Variants in AKAP12 observed in about 807,000 individuals in gnomAD.
AKAP12 encodes the protein A-kinase anchor protein 12.
Under a neutral mutation model 79.9 loss-of-function variants are expected in AKAP12, and 32 were observed. The observed-to-expected ratio is 0.40, with a 90% CI of 0.30 to 0.54. AKAP12 has a LOEUF of 0.54. Ranked by LOEUF, AKAP12 falls within the 20% of genes least tolerant of loss-of-function variation. AKAP12 has a pLI of 0.48. For synonymous variants in AKAP12, 808 were observed against 857.0 expected, an observed-to-expected ratio of 0.94 and a Z score of 1.00; for missense variants, 2,074 against 2,177.0, an observed-to-expected ratio of 0.95 and a Z score of 0.94.
rs150468967 is a variant in AKAP12, at chr6:151,293,064, TC to T, written c.163-12681del. Among the ~76,000 whole-genome samples, 14 of 152,368 alleles carry T rather than the reference TC, an allele frequency of 9.2e-5. No homozygotes were observed. In the East Asian group the frequency reaches 2.7e-3, roughly 29 times the overall value. ...CTTACTTGGGATAACGCTGGTTTCC[TC>T]CTCTGTTGAAATTGTTTATCTCTTG... On this transcript the variant is annotated intron_variant, in intron 2 of 4. Coordinates refer to ENST00000402676, the MANE Select transcript of AKAP12 (RefSeq NM_005100.4).
At chr6:151,334,963 C>T (rs1777776194) in intron 3 of AKAP12, among the ~76,000 whole-genome samples, 1 of 152,104 alleles carries the variant, frequency 6.6e-6, no homozygotes, top group Admixed American at 6.5e-5. Flanking sequence ...ACTTCTGGTC[C>T]TGAAAATCAA....
chr6:151,250,599 G>A (rs1197449477), intron 2 of AKAP12, among the ~76,000 whole-genome samples: 7 of 151,606 alleles, frequency 4.6e-5, no homozygotes, highest in Middle Eastern at 3.4e-3. Flanking sequence ...ATTAAAAATG[G>A]TCAGATATTT....
At chr6:151,260,423 C>T (rs921389510) in intron 2 of AKAP12, among the ~76,000 whole-genome samples, 5 of 152,140 alleles carry the variant, frequency 3.3e-5, no homozygotes, top group East Asian at 3.9e-4. Flanking sequence ...GCTATGCTGC[C>T]GAATAGGAGA....
chr6:151,265,150 CAAA>C (rs567026860), intron 2 of AKAP12, among the ~76,000 whole-genome samples: 4 of 68,742 alleles, frequency 5.8e-5, no homozygotes, highest in Admixed American at 1.7e-4. Flanking sequence ...GACTCCGTCT[CAAA>C]AAAAAAAAAA....
chr6:151,290,586 G>A (rs1776596442), intron 2 of AKAP12, among the ~76,000 whole-genome samples: 1 of 151,778 alleles, frequency 6.6e-6, no homozygotes, highest in Non-Finnish European at 1.5e-5. Context: ...CCTCACTGAT[G>A]GTTCCCAGCC....
At chr6:151,274,287 C>T (rs1294215861) in intron 2 of AKAP12, among the ~76,000 whole-genome samples, 2 of 152,188 alleles carry the variant, frequency 1.3e-5, no homozygotes, top group East Asian at 1.9e-4. Flanking sequence ...CCATTTTGCC[C>T]ATGCTGGTCT....
At chr6:151,324,622 T>C (rs1777478905) in intron 3 of AKAP12, 1 of 985,388 alleles carries the variant, frequency 1.0e-6, no homozygotes, top group Admixed American at 6.1e-5. Flanking sequence ...AGTAAAACTT[T>C]CCTTTTTGTT....
At chr6:151,245,489 G>C (rs143674936) in intron 2 of AKAP12, among the ~76,000 whole-genome samples, 1,882 of 151,784 alleles carry the variant, frequency 0.012, 29 homozygotes, top group African/African-American at 0.043. Flanking sequence ...TAGAGATGGG[G>C]TTTCACCATG....
intron 2 of AKAP12, among the ~76,000 whole-genome samples, chr6:151,290,572 T>TC (rs1562723581): frequency 1.3e-5 from 2 of 150,916 alleles, no homozygotes; most frequent in African/African-American, 2.4e-5. Flanking sequence ...TCCTCTCCCA[T>TC]CCCCCTCACT....
At chr6:151,290,816 G>A (rs1251336525) in intron 2 of AKAP12, among the ~76,000 whole-genome samples, 2 of 152,088 alleles carry the variant, frequency 1.3e-5, no homozygotes, top group East Asian at 3.9e-4. Flanking sequence ...CTCCATGTTG[G>A]TCAGGCTGGT....
rs549470531 is a variant in AKAP12 at position 151,306,620 on chromosome 6, AAG to A, written c.319+723_319+724del. ...GTAAATTGATTCGTGTAATATGAATAAGAGAGACAAATGAAGGGAAAAGTCCT... is the reference window on the plus strand; with the variant it reads ...GTAAATTGATTCGTGTAATATGAATAAGAGACAAATGAAGGGAAAAGTCCT... On this transcript the variant is annotated intron_variant, in intron 3 of 4. Coordinates refer to ENST00000402676, the MANE Select transcript of AKAP12 (RefSeq NM_005100.4). Among the ~76,000 whole-genome samples the A allele has an allele frequency of 2.5e-3, 381 of 152,358 alleles. 1 individual carries two copies. Among genetic ancestry groups the A allele is most frequent in the African/African-American group, 8.8e-3 (368 of 41,584 alleles).
chr6:151,292,863 G>A (rs868079625), intron 2 of AKAP12, among the ~76,000 whole-genome samples: 2 of 152,144 alleles, frequency 1.3e-5, no homozygotes, highest in South Asian at 4.1e-4. Context: ...TCTTCCTCTT[G>A]CCCGTCTCTG....
chr6:151,330,376 A>G (rs921566838), intron 3 of AKAP12, among the ~76,000 whole-genome samples: 6 of 152,182 alleles, frequency 3.9e-5, no homozygotes, highest in African/African-American at 1.4e-4. Context: ...GAATTTGCAT[A>G]TATCTCCGCT....
intron 3 of AKAP12, chr6:151,324,971 G>A (rs1298225997): frequency 1.0e-6 from 1 of 985,298 alleles, no homozygotes; most frequent in Non-Finnish European, 1.2e-6. Context: ...ACATGGCATA[G>A]TTTGATCTAA....
chr6:151,343,962 A>G, intron 3 of AKAP12: 1 of 453,706 alleles, frequency 2.2e-6, no homozygotes, highest in Non-Finnish European at 4.2e-6. Flanking sequence ...AAGAGTGTAT[A>G]TATCTAAAAT....
At chr6:151,327,792 A>G (rs1470749879) in intron 3 of AKAP12, among the ~76,000 whole-genome samples, 1 of 152,208 alleles carries the variant, frequency 6.6e-6, no homozygotes, top group Non-Finnish European at 1.5e-5. Context: ...TTTTCTTACA[A>G]TGTGGGTGTG....
intron 2 of AKAP12, among the ~76,000 whole-genome samples, chr6:151,287,901 C>T (rs568823227): frequency 5.3e-5 from 8 of 152,280 alleles, no homozygotes; most frequent in African/African-American, 1.9e-4. Context: ...AGGACGAGTT[C>T]ATGTCCTTTG....
chr6:151,321,864 A>G (rs926176673), intron 3 of AKAP12, among the ~76,000 whole-genome samples: 1 of 137,756 alleles, frequency 7.3e-6, no homozygotes, highest in South Asian at 2.4e-4. Flanking sequence ...GCCCCCCGCC[A>G]CCTGCCCCTG....
At chr6:151,307,965 A>AT (rs919392150) in intron 3 of AKAP12, among the ~76,000 whole-genome samples, 1 of 152,164 alleles carries the variant, frequency 6.6e-6, no homozygotes, top group Admixed American at 6.5e-5. Context: ...CCCCGCGCAC[A>AT]TCCCCCGCCT....
Sources: gnomAD v4.1 joint callset for allele counts (sites outside exome capture counted in the v4.1 genomes callset) on GRCh38, gnomAD v4.1.1 for gene constraint, MANE v1.5 for transcripts, NCBI Gene and HGNC (gene_info 2026-07-23, HGNC 2026-07-21) for gene names.